The following PRSS2 variants were observed in gnomAD, a reference collection of about 807,000 sequenced individuals.
PRSS2 encodes trypsin-2.
Under a neutral mutation model 19.2 loss-of-function variants are expected in PRSS2, and 19 were observed. The ratio of observed to expected loss-of-function variants is 0.99; its 90% CI spans 0.69 to 1.45. The LOEUF is 1.45. Ranked by LOEUF, PRSS2 falls within the 40% of genes most tolerant of loss-of-function variation. The pLI is 0.00. For synonymous variants in PRSS2, 107 were observed against 117.5 expected (o/e 0.91, Z 0.58); for missense variants, 288 against 294.4 (o/e 0.98, Z 0.16).
Position 142,773,427 on chromosome 7 carries a change from C to G in PRSS2, c.362C>G (p.Ser121Cys). ...CTCTCCTCACCTGCCGTCATCAATTCCCGCGTGTCCGCCATCTCTCTGCCC... is the reference window on the plus strand; with the variant it reads ...CTCTCCTCACCTGCCGTCATCAATTGCCGCGTGTCCGCCATCTCTCTGCCC... ...IKLSSPAVIN[S>C]RVSAISLPTA... Residue 121 changes from serine (S) to cysteine (C), a missense_variant, in exon 3 of 5, where the codon TCC becomes TGC. By Grantham distance (112) the Ser-to-Cys change is moderately radical (BLOSUM62 -1). Transcript: ENST00000539842. The G allele has an allele frequency of 6.2e-7, 1 of 1,602,166 alleles. No individual in the cohort carries two copies. Among genetic ancestry groups the G allele is most frequent in the Non-Finnish European group, 8.6e-7 (1 of 1,169,418 alleles).
Position 142,772,119 on chromosome 7 carries a change from C to T in PRSS2, c.111C>T (p.Tyr37=). The part of the protein sequence containing the change: ...GYICEENSVP[Y]QVSLNSGYHF... Reference sequence around the variant, plus strand: ...TCTGTGAGGAGAATTCTGTCCCCTACCAGGTGTCCTTGAATTCTGGCTACC... The same window carrying T: ...TCTGTGAGGAGAATTCTGTCCCCTATCAGGTGTCCTTGAATTCTGGCTACC... Residue 37 remains tyrosine, a synonymous_variant, in exon 2 of 5, where the codon TAC becomes TAT. Transcript: ENST00000539842. 6.2e-7 allele frequency: 1 copy of T among 1,613,848 alleles called. No individual in the cohort carries two copies. Among genetic ancestry groups the T allele is most frequent in the Non-Finnish European group, 8.5e-7 (1 of 1,179,716 alleles).
chr7:142,773,522 G>C lies in PRSS2; in HGVS notation c.454+3G>C, dbSNP rs1554506720. 1.3e-6 allele frequency: 2 copies of C among 1,576,122 alleles called. No individual in the cohort carries two copies. The highest frequency in any genetic ancestry group is 1.7e-6 in the Non-Finnish European group (2 of 1,146,212). On this transcript the variant is annotated splice_donor_region_variant and intron_variant, in intron 3 of 4. Transcript: ENST00000539842. ...GGGCAACACTCTGAGTTCTGGTGGT[G>C]AGTGGGACCCTTTGTCCTTCTACTT...
intron 1 of PRSS2, 78 bp from the exon 2 acceptor site, chr7:142,771,971 C>T (rs1563284939): frequency 3.7e-6 from 6 of 1,602,244 alleles, no homozygotes; most frequent in Non-Finnish European, 5.1e-6. Flanking sequence ...TTCTAATTAG[C>T]AGGAAGCAGC....
At chr7:142,771,476 T>C (rs1799883905) in intron 1 of PRSS2, among the ~76,000 whole-genome samples, 1 of 152,266 alleles carries the variant, frequency 6.6e-6, no homozygotes, top group South Asian at 2.1e-4. Flanking sequence ...CCAGGTGATT[T>C]TTAACATTTC....
chr7:142,772,752 AG>A, intron 2 of PRSS2: 1 of 572,618 alleles, frequency 1.7e-6, no homozygotes, highest in Non-Finnish European at 3.1e-6. Context: ...CCCATCCCCA[AG>A]GTTCTGATCA....
chr7:142,771,180 C>G (rs1458183718), intron 1 of PRSS2, among the ~76,000 whole-genome samples, 158 bp downstream of exon 1: 2 of 152,074 alleles, frequency 1.3e-5, no homozygotes, highest in African/African-American at 4.8e-5. Flanking sequence ...CTTTTTAAGC[C>G]TCACTTGTTC....
intron 1 of PRSS2, among the ~76,000 whole-genome samples, chr7:142,771,634 C>T (rs1265200813): frequency 8.1e-5 from 11 of 136,368 alleles, no homozygotes; most frequent in Non-Finnish European, 1.8e-4. Flanking sequence ...ATGGCCAAGT[C>T]GATGTCGCCA....
rs971826550 is a variant in PRSS2, at chr7:142,773,382, A to G, written c.317A>G (p.Asn106Ser). 2 of 1,613,058 alleles carry G rather than the reference A, an allele frequency of 1.2e-6. No individual in the cohort carries two copies. Among genetic ancestry groups the G allele is most frequent in the Non-Finnish European group, 1.7e-6 (2 of 1,179,038 alleles). ...AAATACAACAGCCGGACTCTGGACAATGACATCCTGCTGATCAAGCTCTCC... is the reference window on the plus strand; with the variant it reads ...AAATACAACAGCCGGACTCTGGACAGTGACATCCTGCTGATCAAGCTCTCC... Reference protein sequence around the residue: ...HPKYNSRTLDNDILLIKLSSP... With the variant: ...HPKYNSRTLDSDILLIKLSSP... The change falls in exon 3 of 5, where the codon AAT (asparagine) becomes AGT (serine). Residue 106 changes from asparagine (N) to serine (S), a missense_variant. Transcript: ENST00000539842.
intron 2 of PRSS2, 97 bp downstream of exon 2, chr7:142,772,305 G>C (rs903326655): frequency 1.1e-5 from 16 of 1,401,906 alleles, no homozygotes; most frequent in Non-Finnish European, 1.6e-5. Flanking sequence ...TAGGACGGAC[G>C]AGAGAGATGG....
At chr7:142,772,641 T>G in intron 2 of PRSS2, 1 of 640,202 alleles carries the variant, frequency 1.6e-6, no homozygotes, top group South Asian at 1.8e-5. Flanking sequence ...AACTGTAGAG[T>G]GTATAGACAG....
chr7:142,773,830 G>T (rs1338138808), intron 3 of PRSS2, 89 bp from the exon 4 acceptor site: 1 of 1,518,622 alleles, frequency 6.6e-7, no homozygotes, highest in Non-Finnish European at 9.1e-7. Flanking sequence ...CAGGGGCAGT[G>T]TTCCTCTTCA....
Position 142,773,910 on chromosome 7 carries a change from T to G in PRSS2, c.455-9T>G. The G allele has an allele frequency of 6.2e-7, 1 of 1,611,446 alleles. No homozygotes were observed. Among genetic ancestry groups the G allele is most frequent in the Non-Finnish European group, 8.5e-7 (1 of 1,177,588 alleles). The stretch of plus-strand genomic sequence containing the variant: ...ATTTCTTTCTTTGTTCTCTTCCTGA[T>G]CCTCACAGCCGACTACCCAGACGAG... On this transcript the variant is annotated splice_polypyrimidine_tract_variant and intron_variant, in intron 3 of 4. Transcript: ENST00000539842.
intron 4 of PRSS2, 54 bp from the exon 5 acceptor site, chr7:142,774,302 G>T: frequency 1.1e-6 from 1 of 872,134 alleles, no homozygotes; most frequent in Non-Finnish European, 1.8e-6. Context: ...GCAAATGTAG[G>T]TGTATTCCTC....
chr7:142,773,712 CAA>C (rs1367874633), intron 3 of PRSS2, among the ~76,000 whole-genome samples, 193 bp downstream of exon 3: 1 of 152,246 alleles, frequency 6.6e-6, no homozygotes, highest in African/African-American at 2.4e-5. Flanking sequence ...AAAGACAGGA[CAA>C]ATGGAGAACT....
chr7:142,774,150 G>C (rs903998980), intron 4 of PRSS2, 95 bp downstream of exon 4: 1 of 1,187,702 alleles, frequency 8.4e-7, no homozygotes, highest in Non-Finnish European at 1.2e-6. Flanking sequence ...GGCTGAGGAG[G>C]CTCCCTGCAG....
intron 3 of PRSS2, 68 bp downstream of exon 3, chr7:142,773,587 A>G: frequency 6.8e-7 from 1 of 1,461,914 alleles, no homozygotes; most frequent in Non-Finnish European, 9.6e-7. Flanking sequence ...CATGCCCCTT[A>G]ACTTAAATCC....
At position 142,773,409 on chromosome 7, in the gene PRSS2, C is replaced by A. The variant is rs747491593; in HGVS notation, c.344C>A (p.Ser115Ter). 1.8e-4 allele frequency: 292 copies of A among 1,607,508 alleles called. No individual in the cohort carries two copies. In the African/African-American group the frequency reaches 3.3e-3, roughly 18 times the overall value. The change falls in exon 3 of 5, where the codon TCA (serine) becomes TAA (stop). Residue 115 changes from serine (S) to a stop codon, truncating the protein, a stop_gained. Transcript: ENST00000539842. LOFTEE classifies it high-confidence loss of function. ...DNDILLIKLS[S>*]PAVINSRVSA... ...GACATCCTGCTGATCAAGCTCTCCTCACCTGCCGTCATCAATTCCCGCGTG... is the reference window on the plus strand; with the variant it reads ...GACATCCTGCTGATCAAGCTCTCCTAACCTGCCGTCATCAATTCCCGCGTG...
At chr7:142,771,931 T>A (rs1247043381) in intron 1 of PRSS2, 118 bp from the exon 2 acceptor site, 83 of 1,491,896 alleles carry the variant, frequency 5.6e-5, no homozygotes, top group Non-Finnish European at 7.7e-5. Flanking sequence ...GCTCCCCCCC[T>A]TGCCTAGCCT....
chr7:142,772,949 G>A (rs1171764315), intron 2 of PRSS2, among the ~76,000 whole-genome samples: 2 of 152,180 alleles, frequency 1.3e-5, no homozygotes, highest in Non-Finnish European at 1.5e-5. Context: ...AAAACTTCAA[G>A]GAGCTCCTTG....
Sources: allele counts gnomAD v4.1 joint callset (sites outside exome capture counted in the v4.1 genomes callset), GRCh38; gene constraint gnomAD v4.1.1; transcripts MANE v1.5; gene names NCBI Gene and HGNC (gene_info 2026-07-23, HGNC 2026-07-21).